The following SP140 variants were observed in gnomAD, a reference collection of about 807,000 sequenced individuals.
SP140 encodes the protein nuclear body protein SP140.
A neutral mutation model predicts 125.0 loss-of-function variants in SP140; 81 were observed. The observed-to-expected ratio is 0.65, with a 90% CI of 0.54 to 0.78. The LOEUF is 0.78. Ranked by LOEUF, SP140 falls within the 30% of genes least tolerant of loss-of-function variation. The pLI is 0.00. For missense variants in SP140, 858 were observed against 1,037.0 expected (o/e 0.83, Z 2.37); for synonymous variants, 312 against 354.0 (o/e 0.88, Z 1.33).
At chr2:230,296,732 C>G in intron 21 of SP140, among the ~76,000 whole-genome samples, 1 of 152,096 alleles carries the variant, frequency 6.6e-6, no homozygotes, top group East Asian at 1.9e-4. Context: ...AGTCCTCAGC[C>G]TGATTATTAT....
chr2:230,206,424 C>T lies in SP140; in HGVS notation c.-323+3145C>T, dbSNP rs542510016. ...GGTGCTCCTCTGTCTTCACTGGTCT[C>T]GTTCCCTCAGTCTGTCTTGCTAGAT... is the stretch of plus-strand genomic sequence containing the variant. On this transcript the variant is annotated intron_variant, in intron 1 of 4. Coordinates refer to the SP140 transcript ENST00000456542. Among the ~76,000 whole-genome samples, 40 of 151,656 alleles carry T rather than the reference C, an allele frequency of 2.6e-4. 1 individual carries two copies. The highest frequency in any genetic ancestry group is 9.7e-4 in the African/African-American group (40 of 41,362).
In SP140 at chr2:230,241,495, T is replaced by A. The variant is rs75177776; in HGVS notation, c.490+8T>A. On this transcript the variant is annotated splice_region_variant and intron_variant, in intron 4 of 26. Coordinates refer to ENST00000392045, the MANE Select transcript of SP140 (RefSeq NM_007237.5). ...TACCATATGGTAAACAAGGTAACTA[T>A]CATTTAGCTGATCAATGCCCTTATT... is the stretch of plus-strand genomic sequence containing the variant. The A allele has an allele frequency of 1.4e-6, 2 of 1,479,974 alleles. No individual in the cohort carries two copies. The highest frequency in any genetic ancestry group is 2.8e-5 in the African/African-American group (2 of 72,166). 91.7% of individuals were successfully genotyped at this position (1,479,974 alleles called of 1,614,324 possible).
the SP140 span, among the ~76,000 whole-genome samples, chr2:230,193,024 T>C: frequency 1.3e-5 from 2 of 152,210 alleles, no homozygotes; most frequent in Non-Finnish European, 2.9e-5. Context: ...CTTATGAATC[T>C]GGGAGCTCCA....
intron 16 of SP140, among the ~76,000 whole-genome samples, chr2:230,284,777 A>G (rs1464199520): frequency 6.6e-6 from 1 of 152,234 alleles, no homozygotes; most frequent in Non-Finnish European, 1.5e-5. Flanking sequence ...ATGTATAACC[A>G]TATTTTATGT....
intron 23 of SP140, chr2:230,310,250 T>C (rs2059213929): frequency 1.8e-6 from 1 of 570,920 alleles, no homozygotes; most frequent in Admixed American, 3.0e-5. Flanking sequence ...CCTCCTCTGA[T>C]ATGCTGAGGG....
At chr2:230,212,489 GA>G in intron 1 of SP140, 1 of 1,376,638 alleles carries the variant, frequency 7.3e-7, no homozygotes, top group Non-Finnish European at 1.0e-6. Context: ...GGAGAAGAGT[GA>G]ATGTTAAAAG....
intron 12 of SP140, among the ~76,000 whole-genome samples, chr2:230,256,712 A>G (rs945346911): frequency 1.3e-5 from 2 of 152,234 alleles, no homozygotes; most frequent in African/African-American, 4.8e-5. Context: ...GGAAATAAAA[A>G]AGGGTATCAT....
chr2:230,229,568 C>T (rs971790686), intron 1 of SP140, among the ~76,000 whole-genome samples: 4 of 146,268 alleles, frequency 2.7e-5, no homozygotes, highest in Non-Finnish European at 4.5e-5. Flanking sequence ...CCTGGGTTCA[C>T]GCCATTCTCC....
rs1219629698 is a variant in SP140, at chr2:230,208,009, T to C, written c.-323+4730T>C. The C allele has an allele frequency of 6.4e-7, 1 of 1,562,948 alleles. No individual in the cohort carries two copies. Among genetic ancestry groups the C allele is most frequent in the Non-Finnish European group, 8.8e-7 (1 of 1,136,142 alleles). ...ATCTTACCTCCTGGGAGGCTTTTTTTCTTATGTCTCCTTTTTGGAGTTGAC... is the reference window on the plus strand; with the variant it reads ...ATCTTACCTCCTGGGAGGCTTTTTTCCTTATGTCTCCTTTTTGGAGTTGAC... On this transcript the variant is annotated intron_variant, in intron 1 of 4. Transcript: ENST00000456542.
intron 3 of SP140, chr2:230,216,979 C>G: frequency 6.4e-7 from 1 of 1,555,102 alleles, no homozygotes; most frequent in Non-Finnish European, 8.8e-7. Context: ...GGCGCGGTGG[C>G]TCATGCCTGT....
intron 3 of SP140, chr2:230,238,683 T>C: frequency 1.7e-6 from 2 of 1,157,074 alleles, no homozygotes; most frequent in African/African-American, 3.1e-5. Flanking sequence ...ATGAGTGATG[T>C]CTTTTCATGG....
At chr2:230,271,330 G>A (rs554371586) in intron 15 of SP140, among the ~76,000 whole-genome samples, 79 of 152,242 alleles carry the variant, frequency 5.2e-4, no homozygotes, top group African/African-American at 1.8e-3. Flanking sequence ...GATTATGATC[G>A]GAAAAGCCTA....
chr2:230,295,182 G>A (rs1046043149), intron 21 of SP140, among the ~76,000 whole-genome samples: 13 of 152,228 alleles, frequency 8.5e-5, no homozygotes, highest in Non-Finnish European at 1.5e-4. Flanking sequence ...GGAGGGGGAA[G>A]AGAAAAATGT....
downstream of SP140, among the ~76,000 whole-genome samples, chr2:230,314,235 G>A (rs2059465184): frequency 6.6e-6 from 1 of 152,136 alleles, no homozygotes; most frequent in Non-Finnish European, 1.5e-5. Flanking sequence ...TCCCCTTGTT[G>A]GAAGAATGAG....
intron 21 of SP140, among the ~76,000 whole-genome samples, chr2:230,295,663 C>G (rs1026586987): frequency 6.6e-6 from 1 of 152,178 alleles, no homozygotes; most frequent in Non-Finnish European, 1.5e-5. Context: ...CAGAGCTTCT[C>G]TTACTTGCAG....
intron 12 of SP140, among the ~76,000 whole-genome samples, chr2:230,259,686 C>CA (rs79994218): frequency 0.094 from 13,029 of 138,674 alleles, 843 homozygotes; most frequent in South Asian, 0.19. Context: ...GACTCCATCT[C>CA]AAAAAAAAAA....
intron 22 of SP140, among the ~76,000 whole-genome samples, chr2:230,309,697 A>G (rs1310107358): frequency 6.6e-6 from 1 of 152,214 alleles, no homozygotes; most frequent in East Asian, 1.9e-4. Context: ...CTCTGGTTTC[A>G]TAAGGAAGAC....
chr2:230,275,771 CA>C (rs1036984994), intron 15 of SP140, among the ~76,000 whole-genome samples: 5 of 152,262 alleles, frequency 3.3e-5, no homozygotes, highest in African/African-American at 1.2e-4. Context: ...CCTGTTGCAG[CA>C]AACAATCAGC....
intron 3 of SP140, chr2:230,214,170 G>T (rs1221262106): frequency 6.6e-6 from 1 of 152,214 alleles, no homozygotes; most frequent in African/African-American, 2.4e-5. Flanking sequence ...TCCCAACTCT[G>T]CCACTGTTCT....
Sources: allele counts gnomAD v4.1 joint callset (sites outside exome capture counted in the v4.1 genomes callset), GRCh38; gene constraint gnomAD v4.1.1; transcripts MANE v1.5; gene names NCBI Gene and HGNC (gene_info 2026-07-23, HGNC 2026-07-21).